Variants in KALRN observed in about 807,000 individuals in gnomAD.
The protein encoded by KALRN is kalirin.
In KALRN, 70 loss-of-function variants were observed where a neutral mutation model predicts 353.7. The ratio of observed to expected loss-of-function variants is 0.20; its 90% CI spans 0.16 to 0.24. KALRN has a LOEUF of 0.24. Among genes scored for constraint, KALRN ranks in the 10% least tolerant of loss-of-function variants. KALRN has a pLI of 1.00. For missense variants in KALRN, 2,791 were observed against 3,756.7 expected (o/e 0.74, Z 6.72); for synonymous variants, 1,391 against 1,434.8 (o/e 0.97, Z 0.69).
chr3:124,038,393 C>G (rs561319244), intron 1 of KALRN, among the ~76,000 whole-genome samples: 1 of 151,928 alleles, frequency 6.6e-6, no homozygotes, highest in Non-Finnish European at 1.5e-5. Context: ...CCAGAAGGGA[C>G]GTTAGTATCC....
intron 34 of KALRN, among the ~76,000 whole-genome samples, chr3:124,608,520 G>A (rs1373502175): frequency 6.6e-6 from 1 of 152,102 alleles, no homozygotes; most frequent in Non-Finnish European, 1.5e-5. Flanking sequence ...AGAACTTACA[G>A]CATCCTGTCT....
Position 124,259,375 on chromosome 3 carries a change from G to A in KALRN, c.264-5123G>A, listed in dbSNP as rs180782615. On this transcript the variant is annotated intron_variant, in intron 3 of 59. Coordinates refer to ENST00000682506, the MANE Select transcript of KALRN (RefSeq NM_001388419.1). ...GATAGCTCCAAAACTCTTGGAACTG[G>A]AGAAAAGGCATAGTGGTTAGTAAAG... Among the ~76,000 whole-genome samples, 61 of 152,296 alleles carry A rather than the reference G, an allele frequency of 4.0e-4. 1 individual carries two copies. The East Asian group carries it at 9.4e-3, about 24-fold the overall frequency.
At chr3:124,197,264 T>G (rs1405205046) in intron 1 of KALRN, among the ~76,000 whole-genome samples, 1 of 152,206 alleles carries the variant, frequency 6.6e-6, no homozygotes. Context: ...TTGTAAGTTT[T>G]TATTTGGTTT....
intron 9 of KALRN, among the ~76,000 whole-genome samples, chr3:124,344,904 G>A (rs1174730429): frequency 4.6e-5 from 7 of 152,284 alleles, no homozygotes; most frequent in Non-Finnish European, 5.9e-5. Context: ...AACAAATTGC[G>A]TTTAAAAAAT....
intron 37 of KALRN, among the ~76,000 whole-genome samples, chr3:124,638,238 A>C (rs143599758): frequency 1.3e-5 from 2 of 152,176 alleles, no homozygotes; most frequent in African/African-American, 4.8e-5. Flanking sequence ...AATTTTGACT[A>C]TAGTAACTCC....
At chr3:124,247,912 C>G (rs78830233) in intron 3 of KALRN, among the ~76,000 whole-genome samples, 2,024 of 152,214 alleles carry the variant, frequency 0.013, 34 homozygotes, top group African/African-American at 0.041. Flanking sequence ...CTCGCCTTCT[C>G]CACCCCATCT....
At chr3:124,685,340 T>C (rs781217135) in intron 51 of KALRN, among the ~76,000 whole-genome samples, 8 of 151,996 alleles carry the variant, frequency 5.3e-5, no homozygotes, top group Non-Finnish European at 1.0e-4. Context: ...TTTAAGAAGA[T>C]CGTCCACAGC....
intron 34 of KALRN, among the ~76,000 whole-genome samples, chr3:124,574,862 TGAGGAGCA>T (rs992230335): frequency 5.9e-5 from 9 of 152,196 alleles, no homozygotes; most frequent in African/African-American, 1.9e-4. Context: ...TCAAAGGCCT[TGAGGAGCA>T]GCCCTTGCAG....
At chr3:124,473,827 CT>C (rs1561059753) in intron 25 of KALRN, among the ~76,000 whole-genome samples, 8 of 151,974 alleles carry the variant, frequency 5.3e-5, no homozygotes. Context: ...CAAATTGTTC[CT>C]TGTAAAGATC....
At chr3:124,190,127 C>A (rs1169347026) in intron 1 of KALRN, among the ~76,000 whole-genome samples, 1 of 152,048 alleles carries the variant, frequency 6.6e-6, no homozygotes, top group Non-Finnish European at 1.5e-5. Context: ...GGAAGCAACT[C>A]TTGAACAGGG....
chr3:124,430,621 G>A (rs759666433), intron 15 of KALRN, 35 bp from the exon 16 acceptor site: 2 of 1,610,680 alleles, frequency 1.2e-6, no homozygotes, highest in Non-Finnish European at 8.5e-7. Context: ...AACTGCGGAA[G>A]GCCATTCACC....
chr3:124,477,190 G>T (rs1202231544), intron 26 of KALRN, 55 bp from the exon 27 acceptor site: 11 of 1,303,084 alleles, frequency 8.4e-6, no homozygotes, highest in Non-Finnish European at 1.2e-5. Context: ...CAGCATGGTG[G>T]ACAGAAGGGA....
rs192095014 is a variant in KALRN, at chr3:124,237,086, T to A, written c.263+2143T>A. Reference sequence around the variant, plus strand: ...CATGTCACACATAATGGCTGTTGGATGGAACAGGATTGTTCTAAAGACAGT... The same window carrying A: ...CATGTCACACATAATGGCTGTTGGAAGGAACAGGATTGTTCTAAAGACAGT... On this transcript the variant is annotated intron_variant, in intron 3 of 59. Coordinates refer to ENST00000682506, the MANE Select transcript of KALRN (RefSeq NM_001388419.1). 1.4e-3 allele frequency among the ~76,000 whole-genome samples: 210 copies of A among 152,362 alleles called. 3 individuals carry two copies. Among genetic ancestry groups the A allele is most frequent in the Non-Finnish European group, 3.7e-4 (25 of 68,022 alleles).
chr3:124,410,198 T>TC (rs1475485172), intron 13 of KALRN: 22 of 532,762 alleles, frequency 4.1e-5, no homozygotes, highest in Admixed American at 3.3e-4. Flanking sequence ...GACTCTCTTC[T>TC]CCCTCACCAG....
intron 51 of KALRN, among the ~76,000 whole-genome samples, chr3:124,685,201 A>G (rs962228698): frequency 7.2e-5 from 11 of 152,100 alleles, no homozygotes; most frequent in Non-Finnish European, 1.3e-4. Flanking sequence ...TCTTTGTAAT[A>G]TATCTGAAGG....
intron 34 of KALRN, among the ~76,000 whole-genome samples, chr3:124,630,892 G>C (rs1396208180): frequency 6.6e-6 from 1 of 152,116 alleles, no homozygotes; most frequent in Non-Finnish European, 1.5e-5. Flanking sequence ...AACAGTACAA[G>C]AATTCTCTAT....
chr3:124,118,658 G>A (rs1372573376), intron 1 of KALRN, among the ~76,000 whole-genome samples: 1 of 152,040 alleles, frequency 6.6e-6, no homozygotes, highest in African/African-American at 2.4e-5. Context: ...CAGGCAGTGA[G>A]GCCTAAATAG....
intron 18 of KALRN, 59 bp from the exon 19 acceptor site, chr3:124,441,886 A>G (rs1421140354): frequency 1.9e-6 from 2 of 1,045,448 alleles, no homozygotes; most frequent in South Asian, 1.8e-5. Context: ...TGCCTTCTCC[A>G]TTGTCTTGGA....
At chr3:124,213,619 A>G (rs1022906281) in intron 1 of KALRN, among the ~76,000 whole-genome samples, 2 of 152,178 alleles carry the variant, frequency 1.3e-5, no homozygotes, top group African/African-American at 4.8e-5. Flanking sequence ...ATCCACTATA[A>G]TGTTTAGCTT....
Sources: allele counts gnomAD v4.1 joint callset (sites outside exome capture counted in the v4.1 genomes callset), GRCh38; gene constraint gnomAD v4.1.1; transcripts MANE v1.5; gene names NCBI Gene and HGNC (gene_info 2026-07-23, HGNC 2026-07-21).